HYDIN: variants seen among roughly 807,000 people sequenced by gnomAD.
The protein encoded by HYDIN is axonemal central pair apparatus protein HYDIN.
In HYDIN, 132 loss-of-function variants were observed where a neutral mutation model predicts 403.9. That is an observed-to-expected ratio of 0.33 (90% CI 0.28 to 0.38). The LOEUF (loss-of-function observed/expected upper bound fraction) is 0.38. Among genes scored for constraint, HYDIN ranks in the 10% least tolerant of loss-of-function variants. The pLI is 1.00. For missense variants in HYDIN, 2,827 were observed against 5,009.5 expected (o/e 0.56, Z 13.15); for synonymous variants, 1,202 against 1,891.7 (o/e 0.64, Z 9.46).
intron 23 of HYDIN, among the ~76,000 whole-genome samples, chr16:71,005,381 T>A (rs896056394): frequency 1.1e-4 from 16 of 152,076 alleles, no homozygotes; most frequent in Non-Finnish European, 1.6e-4. Flanking sequence ...AGTGCCCTTA[T>A]AAGAAGGGAC....
Position 70,826,741 on chromosome 16 carries a change from CTCTCTG to C in HYDIN, c.14427+514_14427+519del, listed in dbSNP as rs1309871121. 2.1e-4 allele frequency among the ~76,000 whole-genome samples: 28 copies of C among 136,140 alleles called. 2 individuals carry two copies. In the Middle Eastern group the frequency reaches 0.019, roughly 91 times the overall value. 89.3% of individuals were successfully genotyped at this position (136,140 alleles called of 152,430 possible). On this transcript the variant is annotated intron_variant, in intron 83 of 85. Coordinates refer to ENST00000393567, the MANE Select transcript of HYDIN (RefSeq NM_001270974.2). ...TCTCTCTCTCTCTCTCTCTCTCTCT[CTCTCTG>C]TGTGTGTGTTCCTAGATACTTTCTT...
At chr16:70,897,399 A>G (rs2076236726) in intron 53 of HYDIN, among the ~76,000 whole-genome samples, 1 of 152,168 alleles carries the variant, frequency 6.6e-6, no homozygotes, top group Admixed American at 6.5e-5. Context: ...AGCTGTCACC[A>G]AACTCAAGTT....
At chr16:70,847,782 T>A (rs917125039) in intron 75 of HYDIN, among the ~76,000 whole-genome samples, 3 of 152,122 alleles carry the variant, frequency 2.0e-5, no homozygotes, top group African/African-American at 7.2e-5. Flanking sequence ...TTTGAGTTTA[T>A]CCCACTCAGA....
intron 29 of HYDIN, 101 bp from the exon 30 acceptor site, chr16:70,979,142 GGT>G: frequency 8.0e-7 from 1 of 1,245,642 alleles, no homozygotes; most frequent in Admixed American, 2.1e-5. Context: ...CTCCTGGTAA[GGT>G]GGGAAGGGAA....
intron 27 of HYDIN, among the ~76,000 whole-genome samples, 158 bp from the exon 28 acceptor site, chr16:70,985,480 C>G (rs2079164075): frequency 1.3e-5 from 2 of 152,170 alleles, no homozygotes; most frequent in African/African-American, 4.8e-5. Flanking sequence ...TACTGGGGCA[C>G]TAGACTCTGG....
At chr16:70,999,248 C>T (rs2079625510) in intron 23 of HYDIN, among the ~76,000 whole-genome samples, 1 of 152,134 alleles carries the variant, frequency 6.6e-6, no homozygotes, top group African/African-American at 2.4e-5. Flanking sequence ...TTCTGATTTA[C>T]TTGGCTTCAA....
intron 66 of HYDIN, among the ~76,000 whole-genome samples, 191 bp downstream of exon 66, chr16:70,868,379 T>C (rs527457146): frequency 6.9e-6 from 1 of 144,624 alleles, no homozygotes; most frequent in South Asian, 2.1e-4. Context: ...CCAGTGAAGA[T>C]GTGTGGTATG....
intron 4 of HYDIN, among the ~76,000 whole-genome samples, chr16:71,176,437 C>T (rs945374887): frequency 1.3e-5 from 2 of 152,172 alleles, no homozygotes; most frequent in African/African-American, 4.8e-5. Context: ...AGTCACACTT[C>T]CTGCACCCCT....
rs765959893 is a variant in HYDIN, at chr16:70,807,668, G to A, written c.15278C>T (p.Thr5093Ile). ...AGGGCAGCTCACAGTCAGCTTGGTG[G>A]TGATGGGGGTTTTGCTGCCAGATGG... ...GNPSGSKTPI[T>I]TKLTVSCPPG... Residue 5093 changes from threonine (T) to isoleucine (I), a missense_variant, in exon 86 of 86, where the codon ACC becomes ATC. By Grantham distance (89) the Thr-to-Ile change is moderately conservative. Transcript: ENST00000393567. 1.9e-6 allele frequency: 3 copies of A among 1,614,132 alleles called. No homozygotes were observed. Among genetic ancestry groups the A allele is most frequent in the African/African-American group, 2.7e-5 (2 of 75,016 alleles).
At chr16:70,814,216 C>T (rs1191945077) in intron 84 of HYDIN, among the ~76,000 whole-genome samples, 2 of 151,586 alleles carry the variant, frequency 1.3e-5, no homozygotes, top group Non-Finnish European at 2.9e-5. Flanking sequence ...GAACACATGG[C>T]CACGATTTAT....
rs564862540 is a variant in HYDIN at position 70,995,756 on chromosome 16, C to T, written c.3645-3546G>A. Among the ~76,000 whole-genome samples, 4 of 152,326 alleles carry T rather than the reference C, an allele frequency of 2.6e-5. No individual in the cohort carries two copies. In the South Asian group the frequency reaches 6.2e-4, roughly 24 times the overall value. On this transcript the variant is annotated intron_variant, in intron 23 of 85. Transcript: ENST00000393567. ...TGGCAGGGAGGGGTGGGCAGCCCTGCAGGAGACACACTGATTTCTAATTCA... is the reference window on the plus strand; with the variant it reads ...TGGCAGGGAGGGGTGGGCAGCCCTGTAGGAGACACACTGATTTCTAATTCA...
intron 23 of HYDIN, among the ~76,000 whole-genome samples, chr16:70,999,881 C>T (rs1380573153): frequency 1.3e-5 from 2 of 152,166 alleles, no homozygotes; most frequent in African/African-American, 2.4e-5. Context: ...GAATCTACCT[C>T]GAAGCTCTCT....
intron 23 of HYDIN, among the ~76,000 whole-genome samples, chr16:71,005,160 C>T (rs1013313316): frequency 6.6e-6 from 1 of 152,016 alleles, no homozygotes; most frequent in African/African-American, 2.4e-5. Context: ...TTTTTTAGTG[C>T]AGTGTTCTAC....
Position 71,156,287 on chromosome 16 carries a change from T to A in HYDIN, c.717-3504A>T, listed in dbSNP as rs375564465. Among the ~76,000 whole-genome samples, 1,269 of 152,288 alleles carry A rather than the reference T, an allele frequency of 8.3e-3. 8 individuals are homozygous for A. Among genetic ancestry groups the A allele is most frequent in the African/African-American group, 0.029 (1,204 of 41,558 alleles). ...AGGTTACACAAACTTCTTCAGTAGTTATAATCACCTGGGATTGCCATTGCT... is the reference window on the plus strand; with the variant it reads ...AGGTTACACAAACTTCTTCAGTAGTAATAATCACCTGGGATTGCCATTGCT... On this transcript the variant is annotated intron_variant, in intron 6 of 85. Transcript: ENST00000393567.
In HYDIN at chr16:70,807,913, TCCA is replaced by T; in HGVS notation, c.15030_15032del (p.Gly5011del). On this transcript the variant is annotated inframe_deletion, in exon 86 of 86. Transcript: ENST00000393567. ...TTCCAAAGAGGGGGATGATATACTC[TCCA>T]CCTGCGAGCGATGATAGGATCAGGA... 1 of 1,614,124 alleles carries T rather than the reference TCCA, an allele frequency of 6.2e-7. No homozygotes were observed. Among genetic ancestry groups the T allele is most frequent in the Non-Finnish European group, 8.5e-7 (1 of 1,180,014 alleles).
At chr16:70,931,210 G>GGTTT (rs1555575146) in intron 45 of HYDIN, among the ~76,000 whole-genome samples, 7 of 59,478 alleles carry the variant, frequency 1.2e-4, no homozygotes, top group African/African-American at 3.2e-4. Context: ...TCTTTCTTCT[G>GGTTT]TTTTTTTTTT....
At chr16:71,180,735 T>C (rs190748030) in intron 3 of HYDIN, among the ~76,000 whole-genome samples, 18 of 152,184 alleles carry the variant, frequency 1.2e-4, no homozygotes, top group Admixed American at 1.2e-3. Flanking sequence ...GTTTTAATAC[T>C]AGAAATCAAA....
chr16:71,042,242 C>T lies in HYDIN; in HGVS notation c.2530-10325G>A, dbSNP rs149000218. ...GGAAAAGTTATATTGTAAAAAGCAG[C>T]AGCCCTTGGAATCCACTCTCCCATT... On this transcript the variant is annotated intron_variant, in intron 18 of 85. Transcript: ENST00000393567. Among the ~76,000 whole-genome samples, 220 of 152,268 alleles carry T rather than the reference C, an allele frequency of 1.4e-3. 1 individual carries two copies. The highest frequency in any genetic ancestry group is 4.6e-3 in the African/African-American group (193 of 41,552).
intron 47 of HYDIN, among the ~76,000 whole-genome samples, chr16:70,915,356 T>G (rs2076807979): frequency 6.6e-6 from 1 of 152,160 alleles, no homozygotes; most frequent in Non-Finnish European, 1.5e-5. Flanking sequence ...ATGCTCCCCC[T>G]TTTTCTATGG....
Sources: allele counts gnomAD v4.1 joint callset (sites outside exome capture counted in the v4.1 genomes callset), GRCh38; gene constraint gnomAD v4.1.1; transcripts MANE v1.5; gene names NCBI Gene and HGNC (gene_info 2026-07-23, HGNC 2026-07-21).